The following CNTN4 variants were observed in gnomAD, a reference collection of about 807,000 sequenced individuals.
The protein encoded by CNTN4 is contactin-4.
In CNTN4, 77 loss-of-function variants were observed where a neutral mutation model predicts 122.5. The ratio of observed to expected loss-of-function variants is 0.63; its 90% CI spans 0.52 to 0.76. The LOEUF is 0.76. CNTN4 is among the 30% of genes least tolerant of loss of function. The probability of loss-of-function intolerance (pLI) is 0.00; values close to 1 mark genes in which losing one functional copy is unlikely to be tolerated. For missense variants in CNTN4, 1,256 were observed against 1,259.1 expected (o/e 1.00, Z 0.04); for synonymous variants, 512 against 447.0 (o/e 1.15, Z -1.83).
chr3:2,235,173 C>G (rs964993404), intron 2 of CNTN4, among the ~76,000 whole-genome samples: 2 of 152,240 alleles, frequency 1.3e-5, no homozygotes, highest in African/African-American at 4.8e-5. Context: ...TGTCTTTTGA[C>G]TACAGTTTGA....
intron 6 of CNTN4, among the ~76,000 whole-genome samples, chr3:2,756,917 A>C (rs1030380041): frequency 1.1e-4 from 16 of 152,138 alleles, no homozygotes; most frequent in Admixed American, 2.6e-4. Context: ...TAAGCCATTC[A>C]ATCTGTGGTA....
At chr3:2,848,016 CG>C in intron 7 of CNTN4, among the ~76,000 whole-genome samples, 1 of 152,080 alleles carries the variant, frequency 6.6e-6, no homozygotes, top group Non-Finnish European at 1.5e-5. Flanking sequence ...CCCAACACTT[CG>C]GGAGGCTGAG....
At chr3:2,396,269 C>T (rs1365353116) in intron 3 of CNTN4, among the ~76,000 whole-genome samples, 1 of 152,120 alleles carries the variant, frequency 6.6e-6, no homozygotes, top group Non-Finnish European at 1.5e-5. Flanking sequence ...GAGCCATCTG[C>T]CCTCCTTGGC....
chr3:2,789,534 G>A (rs12494504), intron 6 of CNTN4, among the ~76,000 whole-genome samples: 3,338 of 152,302 alleles, frequency 0.022, 68 homozygotes, highest in Admixed American at 0.062. Flanking sequence ...CCGGGTTCAA[G>A]TGATTCTTCT....
intron 2 of CNTN4, among the ~76,000 whole-genome samples, chr3:2,171,403 G>A (rs2036504775): frequency 6.6e-6 from 1 of 152,074 alleles, no homozygotes; most frequent in Non-Finnish European, 1.5e-5. Context: ...TGTCTTTTGT[G>A]TGTAGAAAAA....
intron 2 of CNTN4, among the ~76,000 whole-genome samples, chr3:2,185,852 A>C (rs73098015): frequency 1.3e-5 from 2 of 152,150 alleles, no homozygotes; most frequent in African/African-American, 4.8e-5. Flanking sequence ...TTTATGAGGC[A>C]TGTGGGACTC....
intron 2 of CNTN4, among the ~76,000 whole-genome samples, chr3:2,197,607 A>G (rs1430149814): frequency 2.0e-5 from 3 of 152,102 alleles, no homozygotes; most frequent in Non-Finnish European, 4.4e-5. Flanking sequence ...TCAGATCTGG[A>G]TTTGAATTTC....
intron 2 of CNTN4, among the ~76,000 whole-genome samples, chr3:2,121,387 A>G (rs577665503): frequency 2.6e-5 from 4 of 151,794 alleles, no homozygotes; most frequent in African/African-American, 7.3e-5. Context: ...AAACCCAGCT[A>G]CTCAGGAGGC....
intron 6 of CNTN4, among the ~76,000 whole-genome samples, chr3:2,746,901 T>C (rs2089799998): frequency 6.6e-6 from 1 of 152,194 alleles, no homozygotes; most frequent in East Asian, 1.9e-4. Flanking sequence ...TGTTTCTTTC[T>C]CTTGGTTTAA....
At chr3:2,706,236 T>C (rs1274992003) in intron 4 of CNTN4, among the ~76,000 whole-genome samples, 2 of 151,868 alleles carry the variant, frequency 1.3e-5, no homozygotes, top group African/African-American at 4.8e-5. Context: ...ATAGAATGTA[T>C]TTTGTGTTAA....
Position 2,309,070 on chromosome 3 carries a change from C to T in CNTN4, c.-144-30108C>T, listed in dbSNP as rs555504993. ...AAAGAAGGATTTTGAAGCTTTTCAA[C>T]TATTATTGTTGAATTTTCTATTTCT... On this transcript the variant is annotated intron_variant, in intron 2 of 24. Coordinates refer to ENST00000418658, the MANE Select transcript of CNTN4 (RefSeq NM_175607.3). Among the ~76,000 whole-genome samples, 7 of 152,174 alleles carry T rather than the reference C, an allele frequency of 4.6e-5. No individual in the cohort carries two copies. In the South Asian group the frequency reaches 1.2e-3, roughly 27 times the overall value.
intron 3 of CNTN4, among the ~76,000 whole-genome samples, chr3:2,482,887 T>C (rs2076045350): frequency 6.6e-6 from 1 of 152,170 alleles, no homozygotes; most frequent in Admixed American, 6.5e-5. Flanking sequence ...AAAGCCCTCA[T>C]GGAGAACCTT....
intron 2 of CNTN4, among the ~76,000 whole-genome samples, chr3:2,309,579 C>A (rs912208767): frequency 6.6e-6 from 1 of 152,094 alleles, no homozygotes; most frequent in Non-Finnish European, 1.5e-5. Flanking sequence ...TCCAGGCCTT[C>A]ACATGGCAGG....
intron 6 of CNTN4, among the ~76,000 whole-genome samples, chr3:2,784,141 T>A (rs1380552068): frequency 6.6e-6 from 1 of 152,152 alleles, no homozygotes; most frequent in Non-Finnish European, 1.5e-5. Flanking sequence ...AACCAGCCTT[T>A]TTTACTATTC....
chr3:2,808,867 G>T (rs560893217), intron 6 of CNTN4, among the ~76,000 whole-genome samples: 2 of 152,176 alleles, frequency 1.3e-5, no homozygotes, highest in Non-Finnish European at 2.9e-5. Context: ...AGCATACAAA[G>T]GTCCTTTGTA....
At chr3:2,904,083 T>A (rs1406941721) in intron 12 of CNTN4, among the ~76,000 whole-genome samples, 1 of 152,148 alleles carries the variant, frequency 6.6e-6, no homozygotes, top group East Asian at 1.9e-4. Flanking sequence ...TGAATTTGTC[T>A]ATTATTATAA....
At chr3:2,778,253 T>TAAAA (rs1049039662) in intron 6 of CNTN4, among the ~76,000 whole-genome samples, 3 of 149,618 alleles carry the variant, frequency 2.0e-5, no homozygotes, top group South Asian at 2.1e-4. Flanking sequence ...AATAAATAAA[T>TAAAA]AAAATAAAGA....
chr3:2,271,230 T>A (rs771768307), intron 2 of CNTN4, among the ~76,000 whole-genome samples: 5 of 152,034 alleles, frequency 3.3e-5, no homozygotes, highest in Admixed American at 6.6e-5. Context: ...ATTTTGATGT[T>A]GCTACTCCAT....
intron 3 of CNTN4, among the ~76,000 whole-genome samples, chr3:2,465,738 G>A (rs1331015071): frequency 1.3e-5 from 2 of 151,990 alleles, no homozygotes; most frequent in Non-Finnish European, 2.9e-5. Context: ...CAAAGCAGGT[G>A]TTCAACTTGA....
Sources: allele counts gnomAD v4.1 joint callset (sites outside exome capture counted in the v4.1 genomes callset), GRCh38; gene constraint gnomAD v4.1.1; transcripts MANE v1.5; gene names NCBI Gene and HGNC (gene_info 2026-07-23, HGNC 2026-07-21).